TRPA1: variants seen among roughly 807,000 people sequenced by gnomAD.
TRPA1 encodes transient receptor potential cation channel subfamily A member 1, also known as ankyrin-like with transmembrane domains 1.
Under a neutral mutation model 131.3 loss-of-function variants are expected in TRPA1, and 129 were observed. That is an observed-to-expected ratio of 0.98 (90% CI 0.85 to 1.14). The LOEUF (loss-of-function observed/expected upper bound fraction) is 1.14, where lower values mean the gene tolerates loss of function less well. TRPA1 is among the 50% of genes most tolerant of loss of function. The pLI is 0.00. For synonymous variants in TRPA1, 441 were observed against 451.7 expected (o/e 0.98, Z 0.30); for missense variants, 1,304 against 1,354.2 (o/e 0.96, Z 0.58).
chr8:72,040,399 C>T (rs557133784), intron 17 of TRPA1, among the ~76,000 whole-genome samples: 5 of 152,118 alleles, frequency 3.3e-5, no homozygotes, highest in African/African-American at 1.2e-4. Context: ...TGAGCAATCC[C>T]AAACTTAGTT....
chr8:72,053,481 G>C, intron 13 of TRPA1: 1 of 475,730 alleles, frequency 2.1e-6, no homozygotes, highest in South Asian at 2.1e-5. Context: ...CTACCAGGGA[G>C]TAAACGCTTT....
chr8:72,060,722 T>C (rs1805787623), intron 7 of TRPA1, among the ~76,000 whole-genome samples: 1 of 152,172 alleles, frequency 6.6e-6, no homozygotes, highest in South Asian at 2.1e-4. Flanking sequence ...AGTTTTTTAC[T>C]AGTTTTATGC....
At position 72,022,828 on chromosome 8, in the gene TRPA1, C is replaced by A. The variant is rs998876577; in HGVS notation, c.*78G>T. The A allele has an allele frequency of 3.0e-6, 4 of 1,331,354 alleles. No individual in the cohort carries two copies. The highest frequency in any genetic ancestry group is 4.3e-6 in the Non-Finnish European group (4 of 931,190). The allele number at this position is 1,331,354 out of a possible 1,614,324, so 82.5% of individuals were successfully genotyped here. ...GCAAAATGAATCATTCTGCTTCTTC[C>A]TCACTCTTTTTAAATTGAAAGTTAG... On this transcript the variant is annotated 3_prime_UTR_variant, in exon 27 of 27. Transcript: ENST00000262209.
upstream of TRPA1, among the ~76,000 whole-genome samples, chr8:72,077,951 T>C (rs182419145): frequency 1.1e-3 from 162 of 152,138 alleles, 1 homozygote; most frequent in African/African-American, 3.8e-3. Context: ...GTAATTTTTA[T>C]TATCAAATTA....
chr8:72,047,165 A>G lies in TRPA1; in HGVS notation c.1948T>C (p.Ser650Pro). The G allele has an allele frequency of 6.2e-7, 1 of 1,610,388 alleles. No individual in the cohort carries two copies. Among genetic ancestry groups the G allele is most frequent in the Non-Finnish European group, 8.5e-7 (1 of 1,177,430 alleles). ...AAACTTACATAATAGTCTCGGCAGG[A>G]CTTGTCTTCTGTGGAATGCAACATG... ...FCMLHSTEDKSCRDYYIEYNF... is the reference protein window; with the variant it reads ...FCMLHSTEDKPCRDYYIEYNF... Residue 650 changes from serine to proline, a missense_variant, in exon 16 of 27, where the codon TCC (serine) becomes CCC (proline). Coordinates refer to ENST00000262209, the MANE Select transcript of TRPA1 (RefSeq NM_007332.3).
At chr8:72,044,891 T>C (rs1208844958) in intron 17 of TRPA1, among the ~76,000 whole-genome samples, 1 of 152,054 alleles carries the variant, frequency 6.6e-6, no homozygotes, top group East Asian at 1.9e-4. Flanking sequence ...CTATTTTATT[T>C]AAATTATACT....
At chr8:72,058,892 C>G (rs377345445) in intron 8 of TRPA1, among the ~76,000 whole-genome samples, 1 of 152,114 alleles carries the variant, frequency 6.6e-6, no homozygotes, top group African/African-American at 2.4e-5. Context: ...GATTCCACTT[C>G]CCAGAGTGAA....
intron 4 of TRPA1, among the ~76,000 whole-genome samples, chr8:72,065,079 T>C (rs1002393599): frequency 9.2e-5 from 14 of 152,328 alleles, no homozygotes; most frequent in African/African-American, 3.4e-4. Flanking sequence ...CATCTTTCCT[T>C]TGACTATTCA....
intron 23 of TRPA1, among the ~76,000 whole-genome samples, chr8:72,032,656 G>GAT (rs1453134667): frequency 2.0e-5 from 3 of 152,170 alleles, no homozygotes; most frequent in Non-Finnish European, 4.4e-5. Flanking sequence ...TTCTCTTCTG[G>GAT]ATAATTATCT....
chr8:72,086,840 A>T, the TRPA1 span, among the ~76,000 whole-genome samples: 1 of 152,136 alleles, frequency 6.6e-6, no homozygotes, highest in Non-Finnish European at 1.5e-5. Context: ...TTATTCCATT[A>T]TATTGGTATT....
intron 1 of TRPA1, among the ~76,000 whole-genome samples, chr8:72,072,230 T>A (rs532178074): frequency 1.7e-4 from 26 of 152,324 alleles, no homozygotes; most frequent in African/African-American, 6.0e-4. Flanking sequence ...TGATAATATA[T>A]GTCCAAACTC....
chr8:72,073,607 T>C (rs541330029), intron 1 of TRPA1, among the ~76,000 whole-genome samples: 1 of 152,330 alleles, frequency 6.6e-6, no homozygotes, highest in South Asian at 2.1e-4. Flanking sequence ...ACAAACTCTA[T>C]GTAGCTTCTA....
chr8:72,035,296 C>T (rs537886447), intron 21 of TRPA1, among the ~76,000 whole-genome samples: 12 of 152,326 alleles, frequency 7.9e-5, no homozygotes, highest in African/African-American at 2.9e-4. Context: ...AAGGGTGTGA[C>T]AGTGCCTGAA....
chr8:72,046,446 TAAAGTA>T (rs1376507381), intron 17 of TRPA1, 61 bp downstream of exon 17: 29 of 970,290 alleles, frequency 3.0e-5, no homozygotes, highest in Non-Finnish European at 4.1e-5. Context: ...CCCTAAAACT[TAAAGTA>T]TAATAAAAAA....
intron 17 of TRPA1, chr8:72,041,119 A>G (rs34056985): frequency 0.23 from 35,718 of 152,066 alleles, 4,490 homozygotes; most frequent in Middle Eastern, 0.45. Flanking sequence ...GAGAAGAAAC[A>G]AAGGACAATA....
At chr8:72,073,956 T>A (rs1247768307) in intron 1 of TRPA1, among the ~76,000 whole-genome samples, 1 of 152,212 alleles carries the variant, frequency 6.6e-6, no homozygotes, top group Admixed American at 6.5e-5. Flanking sequence ...GCCTGGCTAC[T>A]TGGTGTGTGT....
the TRPA1 span, among the ~76,000 whole-genome samples, chr8:72,087,648 A>ATT: frequency 6.7e-6 from 1 of 150,108 alleles, no homozygotes; most frequent in Non-Finnish European, 1.5e-5. Flanking sequence ...ATATATATAT[A>ATT]TTTTAATTGC....
chr8:72,084,611 G>A, the TRPA1 span, among the ~76,000 whole-genome samples: 27,987 of 137,074 alleles, frequency 0.2, 2,936 homozygotes, highest in East Asian at 0.38. Flanking sequence ...TATTTTGTCT[G>A]TTTTAAATTA....
intron 23 of TRPA1, among the ~76,000 whole-genome samples, chr8:72,032,263 G>A (rs1811853389): frequency 6.6e-6 from 1 of 152,214 alleles, no homozygotes; most frequent in African/African-American, 2.4e-5. Context: ...TTCATTAGCA[G>A]AGCATCACTA....
Sources: allele counts gnomAD v4.1 joint callset (sites outside exome capture counted in the v4.1 genomes callset), GRCh38; gene constraint gnomAD v4.1.1; transcripts MANE v1.5; gene names NCBI Gene and HGNC (gene_info 2026-07-23, HGNC 2026-07-21).